PHTF2: variants seen among roughly 807,000 people sequenced by gnomAD.
The protein encoded by PHTF2 is protein PHTF2.
In PHTF2, 60 loss-of-function variants were observed where a neutral mutation model predicts 101.2. The ratio of observed to expected loss-of-function variants is 0.59; its 90% CI spans 0.48 to 0.73. The LOEUF is 0.73. PHTF2 is among the 30% of genes least tolerant of loss of function. The pLI, the probability that PHTF2 is intolerant of heterozygous loss-of-function variation, is 0.00. For synonymous variants in PHTF2, 311 were observed against 307.3 expected, an observed-to-expected ratio of 1.01 and a Z score of -0.13; for missense variants, 747 against 908.7, an observed-to-expected ratio of 0.82 and a Z score of 2.29.
chr7:77,875,581 G>A (rs1480482974), intron 3 of PHTF2, among the ~76,000 whole-genome samples: 1 of 151,080 alleles, frequency 6.6e-6, no homozygotes, highest in Non-Finnish European at 1.5e-5. Context: ...TTTTTGACAT[G>A]GAGTCTCGCT....
chr7:77,911,586 C>CT (rs1802403635), intron 9 of PHTF2, among the ~76,000 whole-genome samples: 1 of 152,150 alleles, frequency 6.6e-6, no homozygotes, highest in Non-Finnish European at 1.5e-5. Context: ...GTTAACTCCA[C>CT]TAATACCATA....
chr7:77,924,344 A>G (rs1007133616), intron 11 of PHTF2, among the ~76,000 whole-genome samples: 2 of 152,182 alleles, frequency 1.3e-5, no homozygotes, highest in Non-Finnish European at 2.9e-5. Context: ...TCTAGTACCT[A>G]GATTGTGCCA....
chr7:77,900,691 C>T lies in PHTF2; in HGVS notation c.217-20C>T, dbSNP rs1188641845. ...TTTAAGTATATATACAATTCCAATG[C>T]TTCTTTTGATATATTATAGGGGCTA... On this transcript the variant is annotated intron_variant, in intron 5 of 19. Coordinates refer to ENST00000416283, the Ensembl canonical transcript of PHTF2. 4.7e-6 allele frequency: 6 copies of T among 1,264,740 alleles called. No homozygotes were observed. Among genetic ancestry groups the T allele is most frequent in the Non-Finnish European group, 7.0e-6 (6 of 862,528 alleles). The allele number at this position is 1,264,740 out of a possible 1,614,324, so 78.3% of individuals were successfully genotyped here.
chr7:77,950,300 A>G (rs1020042297), intron 17 of PHTF2, among the ~76,000 whole-genome samples: 2 of 152,334 alleles, frequency 1.3e-5, no homozygotes, highest in Non-Finnish European at 2.9e-5. Context: ...ATTTTAAACA[A>G]TCAATAAACC....
At chr7:77,935,292 G>A (rs967331457) in intron 12 of PHTF2, among the ~76,000 whole-genome samples, 1 of 137,940 alleles carries the variant, frequency 7.2e-6, no homozygotes, top group South Asian at 2.3e-4. Flanking sequence ...GCGCGATCTC[G>A]GCTCACTTCA....
At chr7:77,924,808 TG>T (rs1270170328) in intron 11 of PHTF2, among the ~76,000 whole-genome samples, 1 of 152,198 alleles carries the variant, frequency 6.6e-6, no homozygotes, top group African/African-American at 2.4e-5. Flanking sequence ...CAGGCTGCTC[TG>T]GTGTTTGGCA....
At chr7:77,929,147 T>G (rs1804333416) in exon 12 of PHTF2, 1 of 1,613,834 alleles carries the variant, frequency 6.2e-7, no homozygotes, top group African/African-American at 1.3e-5. Flanking sequence ...GCTCTCGCTG[T>G]TCAAGTTCCA....
At chr7:77,905,860 A>G (rs1347914611) in intron 7 of PHTF2, among the ~76,000 whole-genome samples, 3 of 152,222 alleles carry the variant, frequency 2.0e-5, no homozygotes, top group Admixed American at 6.5e-5. Flanking sequence ...TGTGCCCAAC[A>G]ACATTCTGTC....
intron 13 of PHTF2, among the ~76,000 whole-genome samples, chr7:77,939,009 G>T (rs1805403792): frequency 1.3e-5 from 2 of 152,086 alleles, no homozygotes; most frequent in Non-Finnish European, 2.9e-5. Context: ...TGGAATCTTG[G>T]ATCTAGTTTG....
At chr7:77,941,480 T>A (rs552005604) in intron 15 of PHTF2, among the ~76,000 whole-genome samples, 2 of 152,324 alleles carry the variant, frequency 1.3e-5, no homozygotes, top group Admixed American at 6.5e-5. Flanking sequence ...TTTTGTACAT[T>A]GATTATTTTA....
At chr7:77,920,848 A>G (rs1562951116) in intron 10 of PHTF2, among the ~76,000 whole-genome samples, 1 of 149,344 alleles carries the variant, frequency 6.7e-6, no homozygotes, top group African/African-American at 2.5e-5. Context: ...TGCCCGGCTA[A>G]TTTTTTTTTT....
intron 16 of PHTF2, among the ~76,000 whole-genome samples, chr7:77,945,120 A>G (rs1364779054): frequency 1.3e-5 from 2 of 152,192 alleles, no homozygotes; most frequent in African/African-American, 4.8e-5. Flanking sequence ...CAGTCAGAGC[A>G]CTTGAGGTCA....
intron 3 of PHTF2, among the ~76,000 whole-genome samples, chr7:77,877,310 C>T (rs1387793091): frequency 2.6e-5 from 4 of 151,800 alleles, no homozygotes; most frequent in South Asian, 4.1e-4. Context: ...TTCACTGTGT[C>T]GGTCAGGCTG....
Position 77,841,075 on chromosome 7 carries a change from C to CTTTTTTTTTTTTTTTTTTTTTTTTT in PHTF2, c.45+795_45+796insTTTTTTTTTTTTTTTTTTTTTTTTT, listed in dbSNP as rs57283892. On this transcript the variant is annotated intron_variant, in intron 2 of 19. Transcript: ENST00000416283. ...TTTCTTATATAGGAGAAAAAACAGACTTTTTTTTTTTTTTTTTTTTGAGAT... is the reference window on the plus strand; with the variant it reads ...TTTCTTATATAGGAGAAAAAACAGACTTTTTTTTTTTTTTTTTTTTTTTTTTTTTTTTTTTTTTTTTTTTTGAGAT... 5.2e-5 allele frequency among the ~76,000 whole-genome samples: 4 copies of CTTTTTTTTTTTTTTTTTTTTTTTTT among 77,286 alleles called. 1 individual carries two copies. Among genetic ancestry groups the CTTTTTTTTTTTTTTTTTTTTTTTTT allele is most frequent in the African/African-American group, 2.0e-4 (3 of 14,890 alleles). 50.7% of individuals were successfully genotyped at this position (77,286 alleles called of 152,430 possible).
chr7:77,937,762 C>G (rs1369494427), exon 13 of PHTF2: 1 of 1,511,568 alleles, frequency 6.6e-7, no homozygotes. Context: ...AAAATAAGTG[C>G]TATAGTATGG....
At chr7:77,831,678 T>G (rs1430742833) in intron 1 of PHTF2, among the ~76,000 whole-genome samples, 4 of 152,290 alleles carry the variant, frequency 2.6e-5, no homozygotes, top group Non-Finnish European at 4.4e-5. Context: ...TAGAACTGAT[T>G]TGGTAATTTT....
chr7:77,893,842 T>G, intron 4 of PHTF2, 140 bp from the exon 4 acceptor site: 1 of 723,922 alleles, frequency 1.4e-6, no homozygotes, highest in Non-Finnish European at 2.4e-6. Context: ...TGTTGGTTTT[T>G]TCTTTTTATC....
intron 12 of PHTF2, among the ~76,000 whole-genome samples, chr7:77,933,704 A>G (rs1034644111): frequency 6.9e-6 from 1 of 144,632 alleles, no homozygotes; most frequent in African/African-American, 2.6e-5. Flanking sequence ...AAAAGCAGGG[A>G]CCATGTGTTT....
intron 3 of PHTF2, among the ~76,000 whole-genome samples, chr7:77,860,105 A>G (rs1037380634): frequency 1.3e-5 from 2 of 152,204 alleles, no homozygotes; most frequent in Non-Finnish European, 2.9e-5. Flanking sequence ...AGGATTGTCA[A>G]ACCTACTTTG....
Sources: allele counts gnomAD v4.1 joint callset (sites outside exome capture counted in the v4.1 genomes callset), GRCh38; gene constraint gnomAD v4.1.1; transcripts MANE v1.5; gene names NCBI Gene and HGNC (gene_info 2026-07-23, HGNC 2026-07-21).